The following SNCG variants were observed in gnomAD, a reference collection of about 807,000 sequenced individuals.
SNCG encodes synuclein gamma, also known as gamma-synuclein.
Under a neutral mutation model 16.0 loss-of-function variants are expected in SNCG, and 13 were observed. The ratio of observed to expected loss-of-function variants is 0.81; its 90% CI spans 0.53 to 1.29. The LOEUF (loss-of-function observed/expected upper bound fraction) is 1.29, where lower values mean the gene tolerates loss of function less well. Among genes scored for constraint, SNCG ranks in the 50% most tolerant of loss-of-function variants. The probability of loss-of-function intolerance (pLI) is 0.00; values close to 1 mark genes in which losing one functional copy is unlikely to be tolerated. For synonymous variants in SNCG, 66 were observed against 66.3 expected (o/e 1.00, Z 0.02); for missense variants, 154 against 168.5 (o/e 0.91, Z 0.48).
Position 86,960,092 on chromosome 10 carries a change from G to A in SNCG, c.255G>A (p.Ala85=), listed in dbSNP as rs781688144. ...TGGCCACCAAGACCGTGGAGGAGGC[G>A]GAGAACATCGCGGTCACCTCCGGGG... ...NTVATKTVEE[A]ENIAVTSGVV... is the part of the protein sequence containing the mutation. The change falls in exon 3 of 5, where the codon GCG becomes GCA. Residue 85 remains alanine, a synonymous_variant. Transcript: ENST00000372017. 3.7e-5 allele frequency: 59 copies of A among 1,613,266 alleles called. No homozygotes were observed. The highest frequency in any genetic ancestry group is 4.7e-5 in the Non-Finnish European group (56 of 1,179,834).
chr10:86,957,722 T>C, upstream of SNCG: 1 of 1,332,312 alleles, frequency 7.5e-7, no homozygotes, highest in South Asian at 1.7e-5. Flanking sequence ...CTACCCTGGC[T>C]GGCCCCACAG....
rs1360298982 is a variant in SNCG, at chr10:86,962,952, T to C, written c.364-13T>C. Reference sequence around the variant, plus strand: ...GGCCTGGAGCTGGGTGTGCAGGTCATTCTCTCTCCCAGGCCCAGAGTGGGG... The same window carrying C: ...GGCCTGGAGCTGGGTGTGCAGGTCACTCTCTCTCCCAGGCCCAGAGTGGGG... On this transcript the variant is annotated splice_polypyrimidine_tract_variant and intron_variant, in intron 4 of 4. Coordinates refer to ENST00000372017, the MANE Select transcript of SNCG (RefSeq NM_003087.3). 16 of 1,600,634 alleles carry C rather than the reference T, an allele frequency of 1.0e-5. No individual in the cohort carries two copies. The highest frequency in any genetic ancestry group is 1.4e-5 in the Non-Finnish European group (16 of 1,174,750).
rs1844299970 is a variant in SNCG, at chr10:86,959,462, C to T, written c.122-171C>T. 1.5e-6 allele frequency: 1 copy of T among 646,464 alleles called. No individual in the cohort carries two copies. 40.0% of individuals were successfully genotyped at this position (646,464 alleles called of 1,614,324 possible). On this transcript the variant is annotated intron_variant, in intron 1 of 4. Coordinates refer to ENST00000372017, the MANE Select transcript of SNCG (RefSeq NM_003087.3). The surrounding 1 kb of genome is among the most constrained non-coding windows in gnomAD (Gnocchi z 4.3). ...GTCCTGTCCCCTTCCCATCCATCCA[C>T]TTCTTCCAGACACAGCAGGAAGAGG...
intron 3 of SNCG, 100 bp from the exon 4 acceptor site, chr10:86,962,504 G>GAGGGGC (rs1844371329): frequency 1.3e-6 from 1 of 795,258 alleles, no homozygotes; most frequent in Non-Finnish European, 2.1e-6. Flanking sequence ...AGGGGCCTCT[G>GAGGGGC]CTCCTCCTTG....
rs376183594 is a variant in SNCG, at chr10:86,960,029, C to T, written c.192C>T (p.Asn64=). ...SVAEKTKEQA[N]AVSEAVVSSV... ...CCGAGAAGACCAAGGAGCAGGCCAA[C>T]GCCGTGAGCGAGGCTGTGGTGAGCA... The change falls in exon 3 of 5, where the codon AAC becomes AAT. Residue 64 remains asparagine (N), a synonymous_variant. Transcript: ENST00000372017. The T allele has an allele frequency of 7.5e-6, 12 of 1,608,928 alleles. No homozygotes were observed. Among genetic ancestry groups the T allele is most frequent in the South Asian group, 3.4e-5 (3 of 89,542 alleles).
At position 86,958,977 on chromosome 10, in the gene SNCG, T is replaced by G. The variant is rs115802107; in HGVS notation, c.121+159T>G. Among the ~76,000 whole-genome samples, 971 of 152,286 alleles carry G rather than the reference T, an allele frequency of 6.4e-3. 12 individuals carry two copies. The highest frequency in any genetic ancestry group is 0.021 in the African/African-American group (868 of 41,558). On this transcript the variant is annotated intron_variant, in intron 1 of 4. Transcript: ENST00000372017. ...TCTCCAGACCCTGGAGCACCCACAA[T>G]GCCCTGTGCACACCTATGTGTGTTT...
chr10:86,958,825 G>C lies in SNCG; in HGVS notation c.121+7G>C. 2 of 1,600,670 alleles carry C rather than the reference G, an allele frequency of 1.2e-6. No homozygotes were observed. The highest frequency in any genetic ancestry group is 1.7e-6 in the Non-Finnish European group (2 of 1,173,086). On this transcript the variant is annotated splice_region_variant and intron_variant, in intron 1 of 4. Coordinates refer to ENST00000372017, the MANE Select transcript of SNCG (RefSeq NM_003087.3). ...GAGGGGGTCATGTATGTGGGTAAGT[G>C]GGGCATGGCAGGGTGGGACAGTGTG...
At position 86,960,091 on chromosome 10, in the gene SNCG, C is replaced by T. The variant is rs200289382; in HGVS notation, c.254C>T (p.Ala85Val). Residue 85 changes from alanine to valine, a missense_variant, in exon 3 of 5, where the codon GCG becomes GTG. Ala to Val is a moderately conservative substitution (Grantham distance 64). Coordinates refer to ENST00000372017, the MANE Select transcript of SNCG (RefSeq NM_003087.3). ...GTGGCCACCAAGACCGTGGAGGAGG[C>T]GGAGAACATCGCGGTCACCTCCGGG... ...NTVATKTVEEAENIAVTSGVV... is the reference protein window; with the variant it reads ...NTVATKTVEEVENIAVTSGVV... 2.4e-5 allele frequency: 39 copies of T among 1,613,200 alleles called. No homozygotes were observed. Among genetic ancestry groups the T allele is most frequent in the East Asian group, 1.6e-4 (7 of 44,886 alleles).
chr10:86,958,288 A>T, upstream of SNCG: 1 of 984,018 alleles, frequency 1.0e-6, no homozygotes, highest in Non-Finnish European at 1.2e-6. Context: ...TGCAGCATAG[A>T]CACAGCACCC....
At chr10:86,957,716 C>A (rs570850521), upstream of SNCG, 14 of 1,332,118 alleles carry the variant, frequency 1.1e-5, no homozygotes, top group South Asian at 1.8e-4. Flanking sequence ...CCCCAACTAC[C>A]CTGGCTGGCC....
intron 3 of SNCG, among the ~76,000 whole-genome samples, chr10:86,961,549 C>A (rs1310128238): frequency 6.6e-6 from 1 of 152,110 alleles, no homozygotes; most frequent in Non-Finnish European, 1.5e-5. Flanking sequence ...GGTGCCCGGG[C>A]ATTCCTTGTG....
In SNCG at chr10:86,962,965, G is replaced by A. The variant is rs756051418; in HGVS notation, c.364G>A (p.Ala122Thr). The change falls in exon 5 of 5, where the codon GCC becomes ACC. Residue 122 changes from alanine to threonine, a missense_variant and splice_region_variant. Transcript: ENST00000372017. ...SKEKEEVAEE[A>T]QSGGD is the part of the protein sequence containing the mutation. ...GTGTGCAGGTCATTCTCTCTCCCAG[G>A]CCCAGAGTGGGGGAGACTAGAGGGC... 2 of 1,602,992 alleles carry A rather than the reference G, an allele frequency of 1.2e-6. No homozygotes were observed. The highest frequency in any genetic ancestry group is 1.7e-5 in the Admixed American group (1 of 58,280).
chr10:86,958,497 T>TGCCC, upstream of SNCG: 1 of 1,098,150 alleles, frequency 9.1e-7, no homozygotes, highest in Non-Finnish European at 1.2e-6. Flanking sequence ...TGAACCTCCT[T>TGCCC]CCCTCCCTCC....
chr10:86,958,501 T>TACCAACCCC, upstream of SNCG: 1 of 644,758 alleles, frequency 1.6e-6, no homozygotes, highest in Non-Finnish European at 2.2e-6. Context: ...CCTCCTTCCC[T>TACCAACCCC]CCCTCCCTCC....
upstream of SNCG, among the ~76,000 whole-genome samples, chr10:86,956,144 G>A (rs1030812801): frequency 2.9e-4 from 11 of 37,562 alleles, no homozygotes; most frequent in South Asian, 2.7e-3. Flanking sequence ...CCCCTCCCCC[G>A]CCCCCTGCTC....
intron 3 of SNCG, among the ~76,000 whole-genome samples, chr10:86,961,440 A>T (rs1844348184): frequency 6.6e-6 from 1 of 151,948 alleles, no homozygotes; most frequent in East Asian, 1.9e-4. Context: ...GAGGAAGGTG[A>T]CCATCATCAT....
upstream of SNCG, chr10:86,958,346 G>A: frequency 1.0e-6 from 1 of 985,446 alleles, no homozygotes; most frequent in Non-Finnish European, 1.2e-6. Context: ...GGTGGGCAGG[G>A]CAGTAAATGA....
chr10:86,957,540 A>T (rs755311271), upstream of SNCG: 1 of 1,605,938 alleles, frequency 6.2e-7, no homozygotes, highest in Non-Finnish European at 8.5e-7. Flanking sequence ...GCTCAGGATC[A>T]TCTTGGTGGT....
chr10:86,958,897 C>T, intron 1 of SNCG, 79 bp downstream of exon 1: 7 of 1,481,870 alleles, frequency 4.7e-6, no homozygotes, highest in Non-Finnish European at 6.4e-6. Context: ...ACCTTACTCC[C>T]CAGCCCCAGG....
Sources: allele counts gnomAD v4.1 joint callset (sites outside exome capture counted in the v4.1 genomes callset), GRCh38; gene constraint gnomAD v4.1.1; non-coding constraint Gnocchi (gnomAD v3.1); transcripts MANE v1.5; gene names NCBI Gene and HGNC (gene_info 2026-07-23, HGNC 2026-07-21).